The following KCNQ1 variants were observed in gnomAD, a reference collection of about 807,000 sequenced individuals.
The protein encoded by KCNQ1 is potassium voltage-gated channel subfamily KQT member 1.
Under a neutral mutation model 72.4 loss-of-function variants are expected in KCNQ1, and 49 were observed. The ratio of observed to expected loss-of-function variants is 0.68; its 90% CI spans 0.54 to 0.86. KCNQ1 has a LOEUF of 0.86. Ranked by LOEUF, KCNQ1 falls within the 40% of genes least tolerant of loss-of-function variation. KCNQ1 has a pLI of 0.00. For missense variants in KCNQ1, 790 were observed against 945.1 expected (o/e 0.84, Z 2.15); for synonymous variants, 450 against 412.6 (o/e 1.09, Z -1.10).
rs1055115625 is a variant in KCNQ1, at chr11:2,613,748, A to T, written c.1393+24894A>T. The T allele has an allele frequency of 1.0e-5, 4 of 398,420 alleles. No homozygotes were observed. Among genetic ancestry groups the T allele is most frequent in the Non-Finnish European group, 1.8e-5 (4 of 226,038 alleles). 24.7% of individuals were successfully genotyped at this position (398,420 alleles called of 1,614,324 possible). On this transcript the variant is annotated intron_variant, in intron 10 of 15. Transcript: ENST00000155840. The surrounding 1 kb of genome is among the most constrained non-coding windows in gnomAD (Gnocchi z 4.8). ...ATACTTCCAAAAGTCAATACTAAAC[A>T]AAAGGAGCTACTGAGAGAAATCTTC...
At chr11:2,510,524 T>C (rs963057087) in intron 1 of KCNQ1, among the ~76,000 whole-genome samples, 1 of 152,144 alleles carries the variant, frequency 6.6e-6, no homozygotes, top group Admixed American at 6.5e-5. Flanking sequence ...GGAGGATCAC[T>C]TGAGCCCAGG....
rs536668595 is a variant in KCNQ1, at chr11:2,547,524, G to A, written c.477+19506G>A. Among the ~76,000 whole-genome samples the A allele has an allele frequency of 4.0e-3, 611 of 152,200 alleles. 2 individuals are homozygous for A. The highest frequency in any genetic ancestry group is 6.0e-3 in the Non-Finnish European group (405 of 68,010). On this transcript the variant is annotated intron_variant, in intron 2 of 15. Coordinates refer to ENST00000155840, the MANE Select transcript of KCNQ1 (RefSeq NM_000218.3). The surrounding 1 kb of genome is among the most constrained non-coding windows in gnomAD (Gnocchi z 4.2). ...GCTGGGATCACAGGCATGAGCCACC[G>A]TGCCCAGCCTGTATTTTTGTCCTAA...
intron 11 of KCNQ1, chr11:2,692,160 C>T (rs991756774): frequency 5.0e-6 from 2 of 398,586 alleles, no homozygotes; most frequent in African/African-American, 4.1e-5. Context: ...CAGTGTCACC[C>T]ATCCTTTCAG....
chr11:2,736,335 G>A (rs1434376760), intron 11 of KCNQ1, among the ~76,000 whole-genome samples: 1 of 152,194 alleles, frequency 6.6e-6, no homozygotes, highest in African/African-American at 2.4e-5. Flanking sequence ...GGCCCACCGG[G>A]GGCTGTGAAT....
chr11:2,569,889 T>G (rs1479813682), intron 2 of KCNQ1, among the ~76,000 whole-genome samples: 2 of 152,198 alleles, frequency 1.3e-5, no homozygotes, highest in Non-Finnish European at 2.9e-5. Flanking sequence ...TCCGAGGGTC[T>G]TCTTCCCACT....
chr11:2,545,496 T>C (rs1847891078), intron 2 of KCNQ1, among the ~76,000 whole-genome samples: 1 of 152,184 alleles, frequency 6.6e-6, no homozygotes. Flanking sequence ...TTCAGTTGAT[T>C]GATAATAATT....
chr11:2,519,028 C>T (rs1847333365), intron 1 of KCNQ1, among the ~76,000 whole-genome samples: 1 of 152,166 alleles, frequency 6.6e-6, no homozygotes, highest in African/African-American at 2.4e-5. Flanking sequence ...GAGGGGCTTC[C>T]AAGGCCCTGC....
In KCNQ1 at chr11:2,515,444, C is replaced by T. The variant is rs179423; in HGVS notation, c.387-12484C>T. Among the ~76,000 whole-genome samples, 80 of 151,564 alleles carry T rather than the reference C, an allele frequency of 5.3e-4. No individual in the cohort carries two copies. The highest frequency in any genetic ancestry group is 8.9e-4 in the Non-Finnish European group (60 of 67,672). ...GGGCGGGGAGGCCTGTCCACCCCTC[C>T]CACCCGTCCCCGAGGCCCCTGCTGC... On this transcript the variant is annotated intron_variant, in intron 1 of 15. Transcript: ENST00000155840. This position sits in a 1 kb window ranked among gnomAD's most constrained non-coding sequence, Gnocchi z 4.7.
rs117430684 is a variant in KCNQ1, at chr11:2,799,711, C to T, written c.1794+21674C>T. On this transcript the variant is annotated intron_variant, in intron 15 of 15. Transcript: ENST00000155840. Reference sequence around the variant, plus strand: ...TTCTCCATCCTGTTACAGCAAATACCCTCCTCTGCATTTTTCCCTTGTGTT... The same window carrying T: ...TTCTCCATCCTGTTACAGCAAATACTCTCCTCTGCATTTTTCCCTTGTGTT... Among the ~76,000 whole-genome samples, 28 of 152,154 alleles carry T rather than the reference C, an allele frequency of 1.8e-4. No homozygotes were observed. In the East Asian group the frequency reaches 5.4e-3, roughly 29 times the overall value.
rs761299344 is a variant in KCNQ1 at position 2,664,230 on chromosome 11, G to C, written c.1514+2149G>C. 20 of 398,984 alleles carry C rather than the reference G, an allele frequency of 5.0e-5. No homozygotes were observed. The Middle Eastern group carries it at 1.9e-3, about 38-fold the overall frequency. 24.7% of individuals were successfully genotyped at this position (398,984 alleles called of 1,614,324 possible). ...AGCCCAGGCATGGGGCTTGGGGTGA[G>C]GGATCTGAAGAGGGGACTGGGAGAG... On this transcript the variant is annotated intron_variant, in intron 11 of 15. Coordinates refer to ENST00000155840, the MANE Select transcript of KCNQ1 (RefSeq NM_000218.3). The surrounding 1 kb of genome is among the most constrained non-coding windows in gnomAD (Gnocchi z 5.1).
rs1354061655 is a variant in KCNQ1, at chr11:2,720,144, A to T, written c.1515-48700A>T. Among the ~76,000 whole-genome samples the T allele has an allele frequency of 6.6e-6, 1 of 152,218 alleles. No individual in the cohort carries two copies. The highest frequency in any genetic ancestry group is 1.5e-5 in the Non-Finnish European group (1 of 68,024). On this transcript the variant is annotated intron_variant, in intron 11 of 15. Coordinates refer to ENST00000155840, the MANE Select transcript of KCNQ1 (RefSeq NM_000218.3). This position sits in a 1 kb window ranked among gnomAD's most constrained non-coding sequence, Gnocchi z 5.1. ...GTTCCCAAACCCACTGGAGGGTTGC[A>T]AGGAGACGCTTCTAGTATGTTAGAC...
intron 8 of KCNQ1, 125 bp from the exon 9 acceptor site, chr11:2,587,445 C>T: frequency 1.4e-6 from 2 of 1,405,792 alleles, no homozygotes; most frequent in Non-Finnish European, 2.0e-6. Context: ...CTCTGAGGTC[C>T]CAGACCCTGC....
chr11:2,607,149 C>T (rs1166427531), intron 10 of KCNQ1, among the ~76,000 whole-genome samples: 1 of 151,914 alleles, frequency 6.6e-6, no homozygotes, highest in Admixed American at 6.6e-5. Flanking sequence ...GTGATCCACC[C>T]GCCTCGGCCT....
Position 2,848,978 on chromosome 11 carries a change from CGT to C in KCNQ1, c.*977_*978del, listed in dbSNP as rs1564917475. 3 of 454,154 alleles carry C rather than the reference CGT, an allele frequency of 6.6e-6. No individual in the cohort carries two copies. The highest frequency in any genetic ancestry group is 1.3e-5 in the Non-Finnish European group (3 of 226,800). The allele number at this position is 454,154 out of a possible 1,614,324, so 28.1% of individuals were successfully genotyped here. On this transcript the variant is annotated 3_prime_UTR_variant, in exon 16 of 16. Coordinates refer to ENST00000155840, the MANE Select transcript of KCNQ1 (RefSeq NM_000218.3). Reference sequence around the variant, plus strand: ...AATTGTGCAAGCTTTTCCTAATAAACGTGGAGAATCACAGGCTGGGCTGGGCA... The same window carrying C: ...AATTGTGCAAGCTTTTCCTAATAAACGGAGAATCACAGGCTGGGCTGGGCA...
At chr11:2,796,900 C>T (rs1847146382) in intron 15 of KCNQ1, among the ~76,000 whole-genome samples, 1 of 152,246 alleles carries the variant, frequency 6.6e-6, no homozygotes, top group Admixed American at 6.5e-5. Context: ...ATAAAGGCCG[C>T]CTTTATCCCG....
At chr11:2,667,911 C>G (rs1192250039) in intron 11 of KCNQ1, 1 of 398,672 alleles carries the variant, frequency 2.5e-6, no homozygotes, top group African/African-American at 2.1e-5. Context: ...TCTTCAGTCC[C>G]TGGGACCCAT....
Position 2,651,357 on chromosome 11 carries a change from T to A in KCNQ1, c.1394-10604T>A. ...CAAGCGGCTGAGAGAGCTGGGGTAT[T>A]TATCTTTCACTAGTGAGTGCTGCCC... On this transcript the variant is annotated intron_variant, in intron 10 of 15. Coordinates refer to ENST00000155840, the MANE Select transcript of KCNQ1 (RefSeq NM_000218.3). The surrounding 1 kb of genome is among the most constrained non-coding windows in gnomAD (Gnocchi z 6.1). 5.0e-6 allele frequency: 2 copies of A among 398,694 alleles called. No homozygotes were observed. Among genetic ancestry groups the A allele is most frequent in the South Asian group, 2.5e-4 (2 of 7,858 alleles). The allele number at this position is 398,694 out of a possible 1,614,324, so 24.7% of individuals were successfully genotyped here.
chr11:2,562,404 C>T lies in KCNQ1; in HGVS notation c.478-8224C>T, dbSNP rs2133712076. On this transcript the variant is annotated intron_variant, in intron 2 of 15. Coordinates refer to ENST00000155840, the MANE Select transcript of KCNQ1 (RefSeq NM_000218.3). This position sits in a 1 kb window ranked among gnomAD's most constrained non-coding sequence, Gnocchi z 7.5. ...TCCGGCCAGCTGACCCTCCCCGGAG[C>T]CGAGGCTGGCTCTCTCTGTGGCTTA... Among the ~76,000 whole-genome samples the T allele has an allele frequency of 1.3e-5, 2 of 152,264 alleles. No homozygotes were observed.
intron 11 of KCNQ1, among the ~76,000 whole-genome samples, chr11:2,737,602 T>TG (rs1333514034): frequency 1.3e-5 from 2 of 152,082 alleles, no homozygotes; most frequent in Admixed American, 1.3e-4. Flanking sequence ...CCAACGTGAG[T>TG]GAATTTGACT....
Sources: allele counts gnomAD v4.1 joint callset (sites outside exome capture counted in the v4.1 genomes callset), GRCh38; gene constraint gnomAD v4.1.1; non-coding constraint Gnocchi (gnomAD v3.1); transcripts MANE v1.5; gene names NCBI Gene and HGNC (gene_info 2026-07-23, HGNC 2026-07-21).